Variants in DLG2 observed in about 807,000 individuals in gnomAD.
The protein encoded by DLG2 is discs large MAGUK scaffold protein 2.
DLG2 carries 45 observed loss-of-function variants against 132.5 expected under a neutral mutation model. The observed-to-expected ratio is 0.34, with a 90% CI of 0.27 to 0.44. The LOEUF (loss-of-function observed/expected upper bound fraction) is 0.44. DLG2 is among the 20% of genes least tolerant of loss of function. The pLI, the probability that DLG2 is intolerant of heterozygous loss-of-function variation, is 1.00. For missense variants in DLG2, 1,045 were observed against 1,196.9 expected (o/e 0.87, Z 1.87); for synonymous variants, 424 against 419.6 (o/e 1.01, Z -0.13).
At position 84,224,485 on chromosome 11, in the gene DLG2, G is replaced by T. The variant is rs1452195688; in HGVS notation, c.573+26753C>A. 5.9e-5 allele frequency among the ~76,000 whole-genome samples: 9 copies of T among 152,160 alleles called. No individual in the cohort carries two copies. The East Asian group carries it at 1.7e-3, about 29-fold the overall frequency. ...TTGCAGCTGTGTACATCATTTCCTA[G>T]GAATTGGCTGGGGAAAATCATGATA... is the stretch of plus-strand genomic sequence containing the variant. On this transcript the variant is annotated intron_variant, in intron 8 of 27. Transcript: ENST00000376104.
At chr11:84,902,925 C>A (rs1182226193) in intron 6 of DLG2, among the ~76,000 whole-genome samples, 1 of 151,160 alleles carries the variant, frequency 6.6e-6, no homozygotes, top group African/African-American at 2.4e-5. Flanking sequence ...TACTTTTACT[C>A]CCCTAAATCT....
chr11:83,877,071 T>G (rs754115819), intron 15 of DLG2, among the ~76,000 whole-genome samples: 7 of 152,138 alleles, frequency 4.6e-5, no homozygotes, highest in African/African-American at 1.2e-4. Flanking sequence ...GAAATGCTTA[T>G]TAGTTTCTTG....
intron 7 of DLG2, among the ~76,000 whole-genome samples, chr11:84,365,884 A>G (rs1234655848): frequency 6.6e-6 from 1 of 151,992 alleles, no homozygotes; most frequent in Non-Finnish European, 1.5e-5. Context: ...GTTGGAAAAC[A>G]CTCTGCAGGA....
At chr11:83,902,983 C>A (rs777372054) in intron 15 of DLG2, among the ~76,000 whole-genome samples, 2 of 152,054 alleles carry the variant, frequency 1.3e-5, no homozygotes, top group Non-Finnish European at 2.9e-5. Context: ...TGCCATTGTT[C>A]TATGATCATA....
intron 3 of DLG2, among the ~76,000 whole-genome samples, chr11:85,583,130 G>GTGTGTGTGTATA (rs1555190569): frequency 1.5e-4 from 2 of 13,604 alleles, no homozygotes; most frequent in East Asian, 3.0e-3. Flanking sequence ...GTGTGTGTGT[G>GTGTGTGTGTATA]TATATATATA....
At chr11:83,911,021 G>A (rs758059472) in intron 15 of DLG2, among the ~76,000 whole-genome samples, 23 of 152,070 alleles carry the variant, frequency 1.5e-4, no homozygotes, top group Non-Finnish European at 7.4e-5. Flanking sequence ...ATAATAGTTT[G>A]GCCTAAAGTA....
chr11:83,884,538 A>G (rs1011048579), intron 15 of DLG2, among the ~76,000 whole-genome samples: 3 of 152,190 alleles, frequency 2.0e-5, no homozygotes, highest in African/African-American at 4.8e-5. Context: ...ACAAAAAGAC[A>G]GCAGTAACCT....
chr11:84,634,913 A>G lies in DLG2; in HGVS notation c.358-100182T>C, dbSNP rs76141991. ...TGGAGCACAAAGTGGGAAATACCGG[A>G]CATCCTCAAGGTCAACAAGGAAATG... On this transcript the variant is annotated intron_variant, in intron 6 of 27. Transcript: ENST00000376104. 7.2e-5 allele frequency among the ~76,000 whole-genome samples: 11 copies of G among 152,300 alleles called. No individual in the cohort carries two copies. The East Asian group carries it at 2.1e-3, about 29-fold the overall frequency.
chr11:83,925,784 A>T (rs1239120686), intron 15 of DLG2, among the ~76,000 whole-genome samples: 1 of 152,158 alleles, frequency 6.6e-6, no homozygotes, highest in Non-Finnish European at 1.5e-5. Flanking sequence ...AAATAAATGT[A>T]TGCCATAAAT....
chr11:83,579,008 A>G (rs1345782193), intron 19 of DLG2, among the ~76,000 whole-genome samples: 1 of 152,146 alleles, frequency 6.6e-6, no homozygotes, highest in Non-Finnish European at 1.5e-5. Context: ...GTTGCTTTAC[A>G]TGTGTTTGGA....
At chr11:83,461,078 G>A (rs139774427) in intron 27 of DLG2, among the ~76,000 whole-genome samples, 10 of 143,846 alleles carry the variant, frequency 7.0e-5, no homozygotes, top group African/African-American at 1.1e-4. Flanking sequence ...GCACGATCTC[G>A]GCTCACTGCG....
At chr11:85,303,992 ATT>A (rs2079776880) in intron 3 of DLG2, among the ~76,000 whole-genome samples, 1 of 152,170 alleles carries the variant, frequency 6.6e-6, no homozygotes, top group African/African-American at 2.4e-5. Context: ...TTTCAAAAAT[ATT>A]TTTTGTGGAG....
intron 3 of DLG2, among the ~76,000 whole-genome samples, chr11:85,298,177 T>A (rs2079361146): frequency 6.6e-6 from 1 of 152,050 alleles, no homozygotes; most frequent in Non-Finnish European, 1.5e-5. Context: ...ATAATTTGAA[T>A]CTATCAGAAA....
intron 9 of DLG2, among the ~76,000 whole-genome samples, chr11:84,146,760 T>C (rs1379085898): frequency 1.3e-5 from 2 of 152,090 alleles, no homozygotes; most frequent in African/African-American, 4.8e-5. Flanking sequence ...GGTACCTAGA[T>C]ATAAGAGGAA....
intron 19 of DLG2, among the ~76,000 whole-genome samples, chr11:83,583,877 A>G (rs1450427263): frequency 6.6e-6 from 1 of 152,240 alleles, no homozygotes; most frequent in Non-Finnish European, 1.5e-5. Flanking sequence ...GTAGTGTATC[A>G]GATGTTTTGA....
chr11:85,150,406 T>C (rs11234308), intron 5 of DLG2, among the ~76,000 whole-genome samples: 2 of 152,144 alleles, frequency 1.3e-5, no homozygotes, highest in African/African-American at 4.8e-5. Flanking sequence ...TAGAGTTCAA[T>C]AGTGTTAAGT....
At chr11:84,786,789 A>G (rs902654034) in intron 6 of DLG2, among the ~76,000 whole-genome samples, 5 of 152,148 alleles carry the variant, frequency 3.3e-5, no homozygotes, top group Admixed American at 2.6e-4. Flanking sequence ...ATAGACACAA[A>G]GTTAACTGGC....
At chr11:83,784,931 G>C (rs1465855609) in intron 18 of DLG2, among the ~76,000 whole-genome samples, 1 of 152,052 alleles carries the variant, frequency 6.6e-6, no homozygotes, top group African/African-American at 2.4e-5. Context: ...TACAGTTTGA[G>C]ACTGAAAAAA....
intron 12 of DLG2, among the ~76,000 whole-genome samples, chr11:83,967,352 A>G (rs1467255015): frequency 1.3e-5 from 2 of 152,036 alleles, no homozygotes; most frequent in African/African-American, 4.8e-5. Flanking sequence ...ATCCCAATCA[A>G]TAGTGTACAA....
Sources: gnomAD v4.1 joint callset for allele counts (sites outside exome capture counted in the v4.1 genomes callset) on GRCh38, gnomAD v4.1.1 for gene constraint, MANE v1.5 for transcripts, NCBI Gene and HGNC (gene_info 2026-07-23, HGNC 2026-07-21) for gene names.